The following TOX4 variants were observed in gnomAD, a reference collection of about 807,000 sequenced individuals.
TOX4 encodes epidermal Langerhans cell protein LCP1.
TOX4 carries 12 observed loss-of-function variants against 61.0 expected under a neutral mutation model. That is an observed-to-expected ratio of 0.20 (90% CI 0.13 to 0.32). TOX4 has a LOEUF of 0.32. Among genes scored for constraint, TOX4 ranks in the 10% least tolerant of loss-of-function variants. TOX4 has a pLI of 1.00. For synonymous variants in TOX4, 268 were observed against 274.8 expected, an observed-to-expected ratio of 0.98 and a Z score of 0.24; for missense variants, 499 against 753.3, an observed-to-expected ratio of 0.66 and a Z score of 3.95.
rs1431440691 is a variant in TOX4 at position 21,493,154 on chromosome 14, A to G, written c.1538A>G (p.Glu513Gly). The change falls in exon 7 of 9, where the codon GAA becomes GGA. Residue 513 changes from glutamate to glycine, a missense_variant. Glu to Gly is a moderately conservative substitution (Grantham distance 98). Around this residue, in one of 7 missense-constraint regions of TOX4, gnomAD observed 296 missense variants for 404.7 expected, o/e 0.73. Coordinates refer to ENST00000448790, the MANE Select transcript of TOX4 (RefSeq NM_014828.4). Reference protein sequence around the residue: ...MQTTLVPPTVESSPERPMNNS... With the variant: ...MQTTLVPPTVGSSPERPMNNS... ...ACTACCTTAGTCCCACCAACTGTGG[A>G]AAGTAGTCCTGAGCGGCCTATGAAC... 6.2e-7 allele frequency: 1 copy of G among 1,614,094 alleles called. No individual in the cohort carries two copies. The highest frequency in any genetic ancestry group is 1.3e-5 in the African/African-American group (1 of 74,930).
chr14:21,481,113 C>T (rs1891100361), intron 2 of TOX4, among the ~76,000 whole-genome samples: 1 of 152,072 alleles, frequency 6.6e-6, no homozygotes, highest in African/African-American at 2.4e-5. Context: ...TAAAAGGAGG[C>T]AAAAGATTTG....
At chr14:21,487,976 T>G in intron 3 of TOX4, 1 of 248,340 alleles carries the variant, frequency 4.0e-6, no homozygotes. Flanking sequence ...CTTCACATCC[T>G]AGGATTCAAA....
rs553682923 is a variant in TOX4, at chr14:21,479,131, C to T, written c.75+1567C>T. 3.9e-3 allele frequency among the ~76,000 whole-genome samples: 477 copies of T among 120,798 alleles called. 1 individual carries two copies. Among genetic ancestry groups the T allele is most frequent in the African/African-American group, 0.014 (457 of 33,128 alleles). The allele number at this position is 120,798 out of a possible 152,430, so 79.2% of individuals were successfully genotyped here. A position where few individuals can be genotyped will look rare whatever the true frequency, so the allele number is the denominator to read the frequency against. On this transcript the variant is annotated intron_variant, in intron 2 of 8. Transcript: ENST00000448790. ...CAGTGCCAGTTTAACTTTTTTGTTG[C>T]TTTTATTTATTATTCTCATAAGCAG...
chr14:21,488,966 C>G (rs1264177338), intron 4 of TOX4, 116 bp downstream of exon 4: 1 of 1,451,560 alleles, frequency 6.9e-7, no homozygotes, highest in African/African-American at 1.4e-5. Flanking sequence ...CTGCTGTTTT[C>G]TGGGTATGGG....
At chr14:21,481,049 C>T (rs980324798) in intron 2 of TOX4, among the ~76,000 whole-genome samples, 4 of 152,092 alleles carry the variant, frequency 2.6e-5, no homozygotes, top group Non-Finnish European at 5.9e-5. Context: ...GAGATTGTAC[C>T]ATTGCACTCC....
intron 2 of TOX4, among the ~76,000 whole-genome samples, chr14:21,478,500 T>C (rs932457842): frequency 3.1e-5 from 4 of 127,584 alleles, no homozygotes; most frequent in African/African-American, 1.2e-4. Flanking sequence ...GATGAAACCC[T>C]GAAGTGTTCG....
chr14:21,486,538 G>A (rs1404718039), intron 2 of TOX4, among the ~76,000 whole-genome samples: 1 of 152,084 alleles, frequency 6.6e-6, no homozygotes, highest in Non-Finnish European at 1.5e-5. Flanking sequence ...CTTGTTCAAG[G>A]TCTTGTACCC....
intron 8 of TOX4, 191 bp from the exon 9 acceptor site, chr14:21,496,355 G>A: frequency 2.0e-6 from 1 of 495,378 alleles, no homozygotes; most frequent in Admixed American, 3.4e-5. Flanking sequence ...GTGAAACCCT[G>A]TCCCCACTAA....
intron 5 of TOX4, 152 bp downstream of exon 5, chr14:21,489,555 C>A: frequency 1.4e-6 from 1 of 730,616 alleles, no homozygotes. Flanking sequence ...AAGTTGCAGC[C>A]ATACACTCAC....
chr14:21,491,303 T>C (rs1891285043), intron 5 of TOX4, among the ~76,000 whole-genome samples: 1 of 152,208 alleles, frequency 6.6e-6, no homozygotes, highest in Non-Finnish European at 1.5e-5. Flanking sequence ...GAAAATATAC[T>C]GGTTAGACAC....
In TOX4 at chr14:21,484,329, C is replaced by CT. The variant is rs533570141; in HGVS notation, c.76-3085dup. ...CTGGAAATTTTCTTTCTAGCAATGT[C>CT]TTTTTTTTTTTTTTTTTTTTTTTTT... On this transcript the variant is annotated intron_variant, in intron 2 of 8. Transcript: ENST00000448790. Among the ~76,000 whole-genome samples, 27 of 44,234 alleles carry CT rather than the reference C, an allele frequency of 6.1e-4. 6 individuals are homozygous for CT. Among genetic ancestry groups the CT allele is most frequent in the Admixed American group, 2.0e-3 (5 of 2,488 alleles). 29.0% of individuals were successfully genotyped at this position (44,234 alleles called of 152,430 possible). A position where few individuals can be genotyped will look rare whatever the true frequency, so the allele number is the denominator to read the frequency against.
intron 3 of TOX4, 155 bp from the exon 4 acceptor site, chr14:21,488,434 TA>T (rs1450713474): frequency 1.4e-5 from 11 of 769,044 alleles, no homozygotes; most frequent in South Asian, 2.1e-5. Flanking sequence ...TTAAAAAGCT[TA>T]TTTTTTTATT....
At position 21,498,528 on chromosome 14, in the gene TOX4, A is replaced by G. The variant is rs1891468298; in HGVS notation, c.*1922A>G. 6.0e-6 allele frequency: 4 copies of G among 671,608 alleles called. No homozygotes were observed. The East Asian group carries it at 1.1e-4, about 18-fold the overall frequency. The allele number at this position is 671,608 out of a possible 1,614,324, so 41.6% of individuals were successfully genotyped here. A position where few individuals can be genotyped will look rare whatever the true frequency, so the allele number is the denominator to read the frequency against. ...TAGAATAGTATATGGTAGAATTACT[A>G]GTTCAGAATTGGCATAGATTCTGGT... is the stretch of plus-strand genomic sequence containing the variant. On this transcript the variant is annotated 3_prime_UTR_variant, in exon 9 of 9. Coordinates refer to ENST00000448790, the MANE Select transcript of TOX4 (RefSeq NM_014828.4).
Position 21,498,271 on chromosome 14 carries a change from G to A in TOX4, c.*1665G>A. ...AAGGAAGTGCTTCTATAAATTCTTA[G>A]GTTTAGAGATGATACCATCTGGGTA... On this transcript the variant is annotated 3_prime_UTR_variant, in exon 9 of 9. Coordinates refer to ENST00000448790, the MANE Select transcript of TOX4 (RefSeq NM_014828.4). The A allele has an allele frequency of 6.3e-7, 1 of 1,587,916 alleles. No homozygotes were observed. The highest frequency in any genetic ancestry group is 8.7e-7 in the Non-Finnish European group (1 of 1,156,026).
intron 2 of TOX4, among the ~76,000 whole-genome samples, chr14:21,482,316 A>G (rs866770155): frequency 2.0e-5 from 3 of 152,148 alleles, no homozygotes; most frequent in Admixed American, 6.5e-5. Context: ...CTACTACATC[A>G]GTTTTTAAGA....
chr14:21,493,984 C>T (rs4519246), intron 7 of TOX4, among the ~76,000 whole-genome samples: 3 of 150,954 alleles, frequency 2.0e-5, no homozygotes, highest in East Asian at 2.0e-4. Context: ...CTCCTGACCT[C>T]GTGATTCGCC....
At chr14:21,481,565 C>G (rs906351361) in intron 2 of TOX4, among the ~76,000 whole-genome samples, 2 of 152,130 alleles carry the variant, frequency 1.3e-5, no homozygotes, top group Non-Finnish European at 2.9e-5. Context: ...GATAAACATG[C>G]CCCCCTAACC....
Position 21,493,180 on chromosome 14 carries a change from A to G in TOX4, c.1564A>G (p.Asn522Asp), listed in dbSNP as rs1328671124. 2.5e-6 allele frequency: 4 copies of G among 1,614,166 alleles called. No homozygotes were observed. In the South Asian group the frequency reaches 4.4e-5, roughly 18 times the overall value. Residue 522 changes from asparagine to aspartate, a missense_variant, in exon 7 of 9, where the codon AAC becomes GAC. Transcript: ENST00000448790. ...AAGTAGTCCTGAGCGGCCTATGAACAACAGCCCTGAGGCCCATACAGTGGA... is the reference window on the plus strand; with the variant it reads ...AAGTAGTCCTGAGCGGCCTATGAACGACAGCCCTGAGGCCCATACAGTGGA... ...VESSPERPMNNSPEAHTVEAP... is the reference protein window; with the variant it reads ...VESSPERPMNDSPEAHTVEAP...
chr14:21,483,679 T>C (rs1232905846), intron 2 of TOX4, among the ~76,000 whole-genome samples: 1 of 151,724 alleles, frequency 6.6e-6, no homozygotes, highest in Non-Finnish European at 1.5e-5. Flanking sequence ...TGTCTCAGAA[T>C]TAAAAAAAAC....
Sources: allele counts gnomAD v4.1 joint callset (sites outside exome capture counted in the v4.1 genomes callset), GRCh38; gene constraint gnomAD v4.1.1; regional missense constraint gnomAD v4.1.1; transcripts MANE v1.5; gene names NCBI Gene and HGNC (gene_info 2026-07-23, HGNC 2026-07-21).